The following F13A1 variants were observed in gnomAD, a reference collection of about 807,000 sequenced individuals.
F13A1 encodes coagulation factor XIII A chain.
In F13A1, 47 loss-of-function variants were observed where a neutral mutation model predicts 80.1. That is an observed-to-expected ratio of 0.59 (90% CI 0.46 to 0.75). The LOEUF (loss-of-function observed/expected upper bound fraction) is 0.75. Ranked by LOEUF, F13A1 falls within the 30% of genes least tolerant of loss-of-function variation. The probability of loss-of-function intolerance (pLI) is 0.00; values close to 1 mark genes in which losing one functional copy is unlikely to be tolerated. For missense variants in F13A1, 817 were observed against 930.4 expected, an observed-to-expected ratio of 0.88 and a Z score of 1.59; for synonymous variants, 349 against 344.9, an observed-to-expected ratio of 1.01 and a Z score of -0.13.
intron 4 of F13A1, among the ~76,000 whole-genome samples, chr6:6,254,237 G>T (rs115322223): frequency 6.6e-6 from 1 of 152,192 alleles, no homozygotes; most frequent in African/African-American, 2.4e-5. Context: ...CTTTTAGAAG[G>T]GTAATTAGGC....
At chr6:6,313,997 T>TTTTTTTTTTTTAACA (rs1758644383) in intron 2 of F13A1, among the ~76,000 whole-genome samples, 1 of 150,722 alleles carries the variant, frequency 6.6e-6, no homozygotes, top group African/African-American at 2.5e-5. Context: ...TTTTTTTTTT[T>TTTTTTTTTTTTAACA]TGAAACGGAG....
intron 6 of F13A1, among the ~76,000 whole-genome samples, chr6:6,227,279 C>G (rs1479191936): frequency 6.6e-6 from 1 of 152,162 alleles, no homozygotes; most frequent in Non-Finnish European, 1.5e-5. Context: ...GCTATCTTCC[C>G]CCTTTAACTC....
chr6:6,239,502 A>G (rs1285359447), intron 6 of F13A1, among the ~76,000 whole-genome samples: 11 of 152,170 alleles, frequency 7.2e-5, no homozygotes, highest in Non-Finnish European at 7.3e-5. Flanking sequence ...TGTAATGAAT[A>G]GTATGAAGCA....
At chr6:6,199,900 T>C (rs916383530) in intron 8 of F13A1, among the ~76,000 whole-genome samples, 54 of 152,098 alleles carry the variant, frequency 3.6e-4, no homozygotes, top group Admixed American at 2.0e-4. Flanking sequence ...AGAGAAGCCA[T>C]TGGGGATACA....
At chr6:6,279,788 TA>T (rs1054035630) in intron 3 of F13A1, among the ~76,000 whole-genome samples, 4 of 152,280 alleles carry the variant, frequency 2.6e-5, no homozygotes, top group Admixed American at 2.6e-4. Context: ...CTCATTTCGT[TA>T]AAATCATGGC....
chr6:6,306,715 C>A (rs1451358501), intron 2 of F13A1, among the ~76,000 whole-genome samples: 1 of 152,238 alleles, frequency 6.6e-6, no homozygotes, highest in African/African-American at 2.4e-5. Flanking sequence ...CTTGCCCTCC[C>A]CCTCCCTGCC....
chr6:6,289,457 C>T (rs1475718754), intron 3 of F13A1, among the ~76,000 whole-genome samples: 1 of 152,164 alleles, frequency 6.6e-6, no homozygotes, highest in Non-Finnish European at 1.5e-5. Context: ...CACACGCACA[C>T]ACACATTTTA....
chr6:6,266,888 G>A lies in F13A1; in HGVS notation c.320-79C>T. On this transcript the variant is annotated intron_variant, in intron 3 of 14. Transcript: ENST00000264870. ...GTTCTCACTCTGTTATCTTATAGCT[G>A]AAGGGACAGGAGTAATCCATTAGAA... 10 of 1,570,096 alleles carry A rather than the reference G, an allele frequency of 6.4e-6. 1 individual carries two copies. The South Asian group carries it at 8.9e-5, about 14-fold the overall frequency.
At chr6:6,231,022 A>G (rs1392674953) in intron 6 of F13A1, among the ~76,000 whole-genome samples, 1 of 152,200 alleles carries the variant, frequency 6.6e-6, no homozygotes, top group Non-Finnish European at 1.5e-5. Flanking sequence ...AGGCTCTTCA[A>G]CACCCCCCAA....
intron 6 of F13A1, among the ~76,000 whole-genome samples, chr6:6,226,543 T>C (rs138481977): frequency 4.3e-4 from 66 of 152,338 alleles, no homozygotes; most frequent in African/African-American, 1.2e-3. Flanking sequence ...ATGTGTTTGC[T>C]GCCTCACCAA....
At chr6:6,300,480 A>G (rs2113174926) in intron 3 of F13A1, among the ~76,000 whole-genome samples, 1 of 152,232 alleles carries the variant, frequency 6.6e-6, no homozygotes, top group Middle Eastern at 3.4e-3. Context: ...AAAGTGCAGT[A>G]TTGGGGTGGG....
chr6:6,302,884 T>C (rs1043298141), intron 3 of F13A1, among the ~76,000 whole-genome samples: 2 of 152,248 alleles, frequency 1.3e-5, no homozygotes, highest in Non-Finnish European at 2.9e-5. Context: ...TGTCAGAGTT[T>C]CCAGTTTTTA....
chr6:6,293,087 C>G (rs1357875949), intron 3 of F13A1, among the ~76,000 whole-genome samples: 1 of 152,238 alleles, frequency 6.6e-6, no homozygotes, highest in South Asian at 2.1e-4. Flanking sequence ...TGAGGGCCAT[C>G]ATAGAATTGA....
chr6:6,251,967 C>T (rs748947570), intron 4 of F13A1, among the ~76,000 whole-genome samples: 1 of 151,854 alleles, frequency 6.6e-6, no homozygotes, highest in Non-Finnish European at 1.5e-5. Flanking sequence ...TTTGCCCCTT[C>T]CTCCAAAAAA....
rs1757615853 is a variant in F13A1 at position 6,250,509 on chromosome 6, G to A, written c.690+302C>T. Among the ~76,000 whole-genome samples the A allele has an allele frequency of 6.6e-6, 1 of 152,004 alleles. No homozygotes were observed. Among genetic ancestry groups the A allele is most frequent in the Admixed American group, 6.6e-5 (1 of 15,256 alleles). On this transcript the variant is annotated intron_variant, in intron 5 of 14. Coordinates refer to ENST00000264870, the MANE Select transcript of F13A1 (RefSeq NM_000129.4). This position sits in a 1 kb window ranked among gnomAD's most constrained non-coding sequence, Gnocchi z 4.2. ...AATACCTTTCTTTATAAGCCAGGTT[G>A]AACTAATGAGATTTCACTGTTCTAA...
chr6:6,281,604 T>C (rs924071991), intron 3 of F13A1, among the ~76,000 whole-genome samples: 1 of 152,202 alleles, frequency 6.6e-6, no homozygotes, highest in Non-Finnish European at 1.5e-5. Flanking sequence ...GATTATGATA[T>C]TTTGTTACAA....
At chr6:6,158,964 T>G (rs1047450766) in intron 13 of F13A1, among the ~76,000 whole-genome samples, 12 of 149,682 alleles carry the variant, frequency 8.0e-5, no homozygotes, top group Non-Finnish European at 1.2e-4. Flanking sequence ...TGCAGTGGTG[T>G]GATCTCAGCT....
At chr6:6,222,607 C>A (rs536279321) in intron 7 of F13A1, among the ~76,000 whole-genome samples, 1 of 152,186 alleles carries the variant, frequency 6.6e-6, no homozygotes, top group South Asian at 2.1e-4. Flanking sequence ...CTGTGACATG[C>A]ATTGGTGGGT....
intron 3 of F13A1, among the ~76,000 whole-genome samples, chr6:6,267,670 C>T (rs561193058): frequency 3.6e-4 from 55 of 151,674 alleles, no homozygotes; most frequent in Middle Eastern, 6.8e-3. Flanking sequence ...CAGAATACGT[C>T]GTATTTAAAA....
Sources: allele counts gnomAD v4.1 joint callset (sites outside exome capture counted in the v4.1 genomes callset), GRCh38; gene constraint gnomAD v4.1.1; non-coding constraint Gnocchi (gnomAD v3.1); transcripts MANE v1.5; gene names NCBI Gene and HGNC (gene_info 2026-07-23, HGNC 2026-07-21).